STX3: variants seen among roughly 807,000 people sequenced by gnomAD.
STX3 encodes syntaxin-3.
In STX3, 19 loss-of-function variants were observed where a neutral mutation model predicts 40.2. That is an observed-to-expected ratio of 0.47 (90% CI 0.33 to 0.69). The LOEUF (loss-of-function observed/expected upper bound fraction) is 0.69. Among genes scored for constraint, STX3 ranks in the 30% least tolerant of loss-of-function variants. STX3 has a pLI of 0.02. For synonymous variants in STX3, 122 were observed against 132.2 expected (o/e 0.92, Z 0.53); for missense variants, 364 against 366.7 (o/e 0.99, Z 0.06).
At chr11:59,767,875 G>A (rs116558637) in intron 1 of STX3, among the ~76,000 whole-genome samples, 240 of 152,156 alleles carry the variant, frequency 1.6e-3, no homozygotes, top group African/African-American at 5.6e-3. Context: ...CAACCTCAAC[G>A]TTTCCCTTTT....
rs951872632 is a variant in STX3 at position 59,755,508 on chromosome 11, G to T, written c.-98G>T. ...CGCCTCCAGCTCCTTCGCCCCGGCG[G>T]GCCCGGCCGCCGCTTCCGGCAGCTC... On this transcript the variant is annotated 5_prime_UTR_variant, in exon 1 of 11. Transcript: ENST00000337979. The T allele has an allele frequency of 1.2e-5, 17 of 1,414,134 alleles. No homozygotes were observed. The highest frequency in any genetic ancestry group is 1.6e-5 in the Non-Finnish European group (17 of 1,085,588). The allele number at this position is 1,414,134 out of a possible 1,614,324, so 87.6% of individuals were successfully genotyped here.
chr11:59,789,050 A>G (rs1417137931), intron 4 of STX3, 103 bp downstream of exon 4: 5 of 1,016,370 alleles, frequency 4.9e-6, no homozygotes, highest in Non-Finnish European at 7.3e-6. Context: ...TGGAAGTGAC[A>G]CCACTTGGTC....
upstream of STX3, chr11:59,754,567 C>G (rs1590733216): frequency 1.3e-5 from 2 of 152,584 alleles, no homozygotes; most frequent in South Asian, 4.1e-4. Context: ...GAAGCAGAAG[C>G]CGCCTGGGAA....
chr11:59,800,036 A>G, intron 10 of STX3: 1 of 985,466 alleles, frequency 1.0e-6, no homozygotes, highest in Non-Finnish European at 1.2e-6. Context: ...TTCAGAAGGT[A>G]TATGAATCAT....
Position 59,803,249 on chromosome 11 carries a change from T to C in STX3, c.*2425T>C. The C allele has an allele frequency of 1.6e-6, 2 of 1,231,688 alleles. No homozygotes were observed. The highest frequency in any genetic ancestry group is 1.0e-6 in the Non-Finnish European group (1 of 987,940). The allele number at this position is 1,231,688 out of a possible 1,614,324, so 76.3% of individuals were successfully genotyped here. On this transcript the variant is annotated 3_prime_UTR_variant, in exon 11 of 11. Coordinates refer to ENST00000337979, the MANE Select transcript of STX3 (RefSeq NM_004177.5). ...ATCATGATCATGATCTGCTGTATTATCCTTGCGATCATCTTAGCTTCCACC... is the reference window on the plus strand; with the variant it reads ...ATCATGATCATGATCTGCTGTATTACCCTTGCGATCATCTTAGCTTCCACC...
At chr11:59,766,328 T>C (rs1281750740) in intron 1 of STX3, among the ~76,000 whole-genome samples, 1 of 152,222 alleles carries the variant, frequency 6.6e-6, no homozygotes, top group Non-Finnish European at 1.5e-5. Flanking sequence ...ACAAACTCTT[T>C]TTAGAAAGCA....
At chr11:59,762,651 G>C (rs2134870369) in intron 1 of STX3, among the ~76,000 whole-genome samples, 1 of 152,282 alleles carries the variant, frequency 6.6e-6, no homozygotes, top group South Asian at 2.1e-4. Context: ...CCTCCTCTCT[G>C]TGTCCTTGAG....
intron 2 of STX3, among the ~76,000 whole-genome samples, chr11:59,783,949 G>A (rs1482383732): frequency 6.6e-6 from 1 of 152,218 alleles, no homozygotes; most frequent in Non-Finnish European, 1.5e-5. Flanking sequence ...CAGCTACAGT[G>A]GGTGGAGGAT....
At chr11:59,780,630 TCTG>T (rs1864311640) in intron 2 of STX3, among the ~76,000 whole-genome samples, 1 of 152,178 alleles carries the variant, frequency 6.6e-6, no homozygotes, top group Non-Finnish European at 1.5e-5. Flanking sequence ...TGGTCCCAGT[TCTG>T]CTGGTCAACT....
intron 2 of STX3, among the ~76,000 whole-genome samples, chr11:59,779,516 TAAG>T (rs1864212072): frequency 6.6e-6 from 1 of 152,240 alleles, no homozygotes; most frequent in Non-Finnish European, 1.5e-5. Flanking sequence ...ATTCAGTCCA[TAAG>T]AAGTATGCAT....
chr11:59,765,537 C>T (rs1009013931), intron 1 of STX3, among the ~76,000 whole-genome samples: 3 of 152,108 alleles, frequency 2.0e-5, no homozygotes, highest in Admixed American at 2.0e-4. Context: ...GGTGCGGTGG[C>T]TCATGCGTGT....
rs151157690 is a variant in STX3, at chr11:59,788,928, C to T, written c.270C>T (p.Asn90=). 51 of 1,610,746 alleles carry T rather than the reference C, an allele frequency of 3.2e-5. No individual in the cohort carries two copies. The highest frequency in any genetic ancestry group is 3.3e-4 in the Middle Eastern group (2 of 6,058). ...LTTEIKKRAN[N]VRNKLKSMEK... is the part of the protein sequence containing the mutation. ...CTGAGATTAAGAAAAGGGCCAACAA[C>T]GTCCGGAACAAACTGAAGAGTAAGA... The change falls in exon 4 of 11, where the codon AAC becomes AAT. Residue 90 remains asparagine (N), a synonymous_variant. Coordinates refer to ENST00000337979, the MANE Select transcript of STX3 (RefSeq NM_004177.5).
intron 1 of STX3, among the ~76,000 whole-genome samples, chr11:59,767,257 C>T (rs2134891930): frequency 6.6e-6 from 1 of 152,222 alleles, no homozygotes; most frequent in East Asian, 1.9e-4. Flanking sequence ...GGTGATATCT[C>T]TCATCTCCTT....
intron 2 of STX3, among the ~76,000 whole-genome samples, chr11:59,781,926 A>C (rs147199086): frequency 2.6e-5 from 4 of 152,226 alleles, no homozygotes; most frequent in African/African-American, 9.6e-5. Flanking sequence ...GTCACCTCGC[A>C]ATAAGTTTTC....
chr11:59,777,125 ATGT>A (rs1277901277), intron 2 of STX3, among the ~76,000 whole-genome samples: 2 of 152,212 alleles, frequency 1.3e-5, no homozygotes, highest in Non-Finnish European at 2.9e-5. Context: ...AATTTTTAAA[ATGT>A]TGTTATATGA....
rs144244111 is a variant in STX3, at chr11:59,758,589, C to T, written c.30+2954C>T. 4.1e-4 allele frequency among the ~76,000 whole-genome samples: 62 copies of T among 152,360 alleles called. No homozygotes were observed. The East Asian group carries it at 0.01, about 25-fold the overall frequency. Reference sequence around the variant, plus strand: ...GCATCCCTTCCTGAGGCCATGGTCACAAGATCTGACTCACCTGGTCTCATC... The same window carrying T: ...GCATCCCTTCCTGAGGCCATGGTCATAAGATCTGACTCACCTGGTCTCATC... On this transcript the variant is annotated intron_variant, in intron 1 of 10. Coordinates refer to ENST00000337979, the MANE Select transcript of STX3 (RefSeq NM_004177.5).
rs763865594 is a variant in STX3 at position 59,793,113 on chromosome 11, A to G, written c.481A>G (p.Thr161Ala). ...RQLEITGKKTTDEELEEMLES... is the reference protein window; with the variant it reads ...RQLEITGKKTADEELEEMLES... Reference sequence around the variant, plus strand: ...TTGTTACAAAGCTGGCAAAAAGACAACCGATGAGGAGCTGGAGGAGATGTT... The same window carrying G: ...TTGTTACAAAGCTGGCAAAAAGACAGCCGATGAGGAGCTGGAGGAGATGTT... Residue 161 changes from threonine to alanine, a missense_variant, in exon 7 of 11, where the codon ACC becomes GCC. Transcript: ENST00000337979. 3 of 1,613,556 alleles carry G rather than the reference A, an allele frequency of 1.9e-6. No homozygotes were observed. Among genetic ancestry groups the G allele is most frequent in the South Asian group, 1.1e-5 (1 of 90,864 alleles).
intron 8 of STX3, among the ~76,000 whole-genome samples, chr11:59,794,236 G>A (rs765953620): frequency 2.4e-4 from 37 of 152,146 alleles, no homozygotes; most frequent in Non-Finnish European, 4.9e-4. Flanking sequence ...TTTGTCCCAG[G>A]CATGCTTGCT....
At chr11:59,758,294 C>T (rs1444685938) in intron 1 of STX3, among the ~76,000 whole-genome samples, 1 of 152,192 alleles carries the variant, frequency 6.6e-6, no homozygotes, top group East Asian at 1.9e-4. Context: ...ATTTGAGCAT[C>T]TCTTGGAGGG....
Sources: gnomAD v4.1 joint callset for allele counts (sites outside exome capture counted in the v4.1 genomes callset) on GRCh38, gnomAD v4.1.1 for gene constraint, MANE v1.5 for transcripts, NCBI Gene and HGNC (gene_info 2026-07-23, HGNC 2026-07-21) for gene names.